The following INTS4 variants were observed in gnomAD, a reference collection of about 807,000 sequenced individuals.
INTS4 encodes the protein MSTP093.
INTS4 carries 70 observed loss-of-function variants against 119.5 expected under a neutral mutation model. The ratio of observed to expected loss-of-function variants is 0.59; its 90% CI spans 0.48 to 0.71. The LOEUF (loss-of-function observed/expected upper bound fraction) is 0.71. Ranked by LOEUF, INTS4 falls within the 30% of genes least tolerant of loss-of-function variation. The probability of loss-of-function intolerance (pLI) is 0.00; values close to 1 mark genes in which losing one functional copy is unlikely to be tolerated. For missense variants in INTS4, 867 were observed against 1,173.2 expected, an observed-to-expected ratio of 0.74 and a Z score of 3.81; for synonymous variants, 316 against 419.6, an observed-to-expected ratio of 0.75 and a Z score of 3.02.
chr11:77,929,347 T>C (rs1295043932), intron 10 of INTS4, among the ~76,000 whole-genome samples: 2 of 152,126 alleles, frequency 1.3e-5, no homozygotes, highest in African/African-American at 4.8e-5. Context: ...CACCTTAACG[T>C]CGATCTAAGA....
chr11:77,967,546 T>C (rs1471741024), intron 4 of INTS4, among the ~76,000 whole-genome samples: 1 of 152,166 alleles, frequency 6.6e-6, no homozygotes, highest in Non-Finnish European at 1.5e-5. Context: ...ATTCTATTTT[T>C]AATTTTGGGG....
intron 21 of INTS4, among the ~76,000 whole-genome samples, chr11:77,885,957 T>C (rs1951987749): frequency 6.6e-6 from 1 of 152,140 alleles, no homozygotes; most frequent in African/African-American, 2.4e-5. Context: ...TCCCAGCATT[T>C]TGCGGGGCTG....
chr11:77,948,679 AAG>A (rs1181404700), intron 8 of INTS4, among the ~76,000 whole-genome samples: 938 of 40,838 alleles, frequency 0.023, 20 homozygotes, highest in African/African-American at 0.09. Flanking sequence ...AAAAAAAAAA[AAG>A]AAGAAGAAGA....
chr11:77,949,518 A>AG, intron 8 of INTS4, among the ~76,000 whole-genome samples: 1 of 138,692 alleles, frequency 7.2e-6, no homozygotes, highest in South Asian at 2.3e-4. Flanking sequence ...AAACAAATTT[A>AG]CAAAAAAAAA....
chr11:77,898,698 G>A (rs898994813), intron 18 of INTS4, among the ~76,000 whole-genome samples: 1 of 152,172 alleles, frequency 6.6e-6, no homozygotes, highest in African/African-American at 2.4e-5. Flanking sequence ...TATAATGGAT[G>A]TGACAGACAC....
intron 21 of INTS4, among the ~76,000 whole-genome samples, chr11:77,888,727 A>G (rs1405841289): frequency 6.6e-6 from 1 of 152,226 alleles, no homozygotes; most frequent in African/African-American, 2.4e-5. Flanking sequence ...CAAATTTACA[A>G]GAAAAAAACA....
At chr11:77,941,092 C>A in intron 9 of INTS4, 88 bp downstream of exon 9, 1 of 1,518,158 alleles carries the variant, frequency 6.6e-7, no homozygotes, top group Non-Finnish European at 8.8e-7. Flanking sequence ...TTAACAAATG[C>A]TGCTAAGTTA....
At chr11:77,905,617 A>G (rs990885737) in intron 16 of INTS4, among the ~76,000 whole-genome samples, 1 of 152,198 alleles carries the variant, frequency 6.6e-6, no homozygotes, top group Non-Finnish European at 1.5e-5. Context: ...GATAAATGAG[A>G]TATCCTTTTC....
In INTS4 at chr11:77,923,163, C is replaced by T. The variant is rs562521804; in HGVS notation, c.1515-692G>A. Among the ~76,000 whole-genome samples, 24 of 151,992 alleles carry T rather than the reference C, an allele frequency of 1.6e-4. No homozygotes were observed. The South Asian group carries it at 4.6e-3, about 29-fold the overall frequency. ...TGAAACCCCATCTCTGCTAAAAATA[C>T]AAAAATTAGCTGGGCATGGTGGCAC... On this transcript the variant is annotated intron_variant, in intron 12 of 22. Transcript: ENST00000534064.
chr11:77,876,690 T>A (rs1330522350), downstream of INTS4, among the ~76,000 whole-genome samples: 1 of 152,164 alleles, frequency 6.6e-6, no homozygotes, highest in Non-Finnish European at 1.5e-5. Flanking sequence ...TGTCCCTTAG[T>A]GCATGTCTAC....
chr11:77,892,215 G>C (rs4245454), intron 19 of INTS4, among the ~76,000 whole-genome samples: 19,390 of 152,240 alleles, frequency 0.13, 1,396 homozygotes, highest in Admixed American at 0.19. Context: ...TGGAAACACA[G>C]TGAACGGAAG....
intron 18 of INTS4, among the ~76,000 whole-genome samples, chr11:77,899,130 T>C (rs1167197747): frequency 6.6e-6 from 1 of 152,104 alleles, no homozygotes; most frequent in Non-Finnish European, 1.5e-5. Flanking sequence ...GTTTAACTTA[T>C]GGGAACAAAC....
chr11:77,976,173 T>A (rs1855942709), intron 4 of INTS4, among the ~76,000 whole-genome samples: 1 of 152,202 alleles, frequency 6.6e-6, no homozygotes, highest in Non-Finnish European at 1.5e-5. Flanking sequence ...CAGGTTTATC[T>A]TTGATTTTTA....
At chr11:77,970,869 T>C (rs1434626688) in intron 4 of INTS4, among the ~76,000 whole-genome samples, 1 of 152,114 alleles carries the variant, frequency 6.6e-6, no homozygotes, top group African/African-American at 2.4e-5. Flanking sequence ...TGGAATGCAA[T>C]GGGAAGATCT....
In INTS4 at chr11:77,879,416, G is replaced by C. The variant is rs551455002; in HGVS notation, c.2714-289C>G. ...ATAATTGCTTCATGATCTGCTTTAT[G>C]AACTGGGCTCAAATTCTTATGCAGG... On this transcript the variant is annotated intron_variant, in intron 22 of 22. Coordinates refer to ENST00000534064, the MANE Select transcript of INTS4 (RefSeq NM_033547.4). Among the ~76,000 whole-genome samples the C allele has an allele frequency of 3.3e-5, 5 of 152,326 alleles. No homozygotes were observed. The South Asian group carries it at 1.0e-3, about 32-fold the overall frequency.
chr11:77,963,370 A>AC (rs1855338919), intron 4 of INTS4: 8 of 375,760 alleles, frequency 2.1e-5, no homozygotes, highest in African/African-American at 4.6e-5. Flanking sequence ...AAAAAAAAAA[A>AC]AAAACAAAAA....
At position 77,879,126 on chromosome 11, in the gene INTS4, C is replaced by T; in HGVS notation, c.2715G>A (p.Glu905=). The change falls in exon 23 of 23, where the codon GAG becomes GAA. Residue 905 remains glutamate, a splice_region_variant and synonymous_variant. Transcript: ENST00000534064. ...GCAGCCTCACTTCCACCTGGCATGC[C>T]TCTGAAAAAAAGATAAAAGAAATCC... The part of the protein sequence containing the change: ...QVYLSHTAWT[E]ACQVEVRLLL... 1 of 1,612,906 alleles carries T rather than the reference C, an allele frequency of 6.2e-7. No individual in the cohort carries two copies. Among genetic ancestry groups the T allele is most frequent in the Non-Finnish European group, 8.5e-7 (1 of 1,179,704 alleles).
chr11:77,904,654 G>A (rs1337457311), intron 16 of INTS4, among the ~76,000 whole-genome samples: 1 of 152,134 alleles, frequency 6.6e-6, no homozygotes, highest in East Asian at 1.9e-4. Flanking sequence ...AGGAATTTCT[G>A]GAATATTTAC....
chr11:77,944,844 C>T (rs1954009408), intron 8 of INTS4, among the ~76,000 whole-genome samples: 1 of 152,034 alleles, frequency 6.6e-6, no homozygotes, highest in African/African-American at 2.4e-5. Flanking sequence ...ATTCCAAAAT[C>T]CAAAAGCAAA....
Sources: gnomAD v4.1 joint callset for allele counts (sites outside exome capture counted in the v4.1 genomes callset) on GRCh38, gnomAD v4.1.1 for gene constraint, MANE v1.5 for transcripts, NCBI Gene and HGNC (gene_info 2026-07-23, HGNC 2026-07-21) for gene names.